Variants in BCAT1 observed in about 807,000 individuals in gnomAD.
BCAT1 encodes the protein branched-chain-amino-acid aminotransferase, cytosolic.
BCAT1 carries 48 observed loss-of-function variants against 52.4 expected under a neutral mutation model. The ratio of observed to expected loss-of-function variants is 0.92; its 90% confidence interval spans 0.73 to 1.16. BCAT1 has a LOEUF of 1.16. Among genes scored for constraint, BCAT1 ranks in the 50% most tolerant of loss-of-function variants. BCAT1 has a pLI of 0.00. For missense variants in BCAT1, 451 were observed against 457.1 expected, an observed-to-expected ratio of 0.99 and a Z score of 0.12; for synonymous variants, 167 against 161.3, an observed-to-expected ratio of 1.04 and a Z score of -0.27.
intron 8 of BCAT1, chr12:24,834,263 C>G: frequency 1.0e-6 from 1 of 984,950 alleles, no homozygotes; most frequent in Non-Finnish European, 1.2e-6. Context: ...ATATGACTAA[C>G]AGTTGACTTT....
chr12:24,890,826 T>C (rs2139640446), intron 3 of BCAT1, among the ~76,000 whole-genome samples: 1 of 152,334 alleles, frequency 6.6e-6, no homozygotes, highest in South Asian at 2.1e-4. Context: ...CTTTACTTTC[T>C]TAATAAATTT....
intron 3 of BCAT1, among the ~76,000 whole-genome samples, chr12:24,887,061 T>TAAAAATAAAA (rs1207898454): frequency 0.049 from 372 of 7,564 alleles, 44 homozygotes; most frequent in South Asian, 0.11. Context: ...AGATGCTAGC[T>TAAAAATAAAA]AAAAAAAAAA....
chr12:24,898,192 C>T (rs1397787679), intron 2 of BCAT1, among the ~76,000 whole-genome samples: 3 of 152,022 alleles, frequency 2.0e-5, no homozygotes, highest in African/African-American at 7.2e-5. Context: ...TCTAGATTTC[C>T]TTTCCAAAGA....
rs1267142221 is a variant in BCAT1 at position 24,814,924 on chromosome 12, C to A, written c.*3084G>T. ...AACAAGACTTCTCAGTCACTTGTTT[C>A]TCTTTCCCTTTCACTTTTCCTTTGT... On this transcript the variant is annotated 3_prime_UTR_variant, in exon 11 of 11. Transcript: ENST00000261192. 1 of 149,234 alleles carries A rather than the reference C, an allele frequency of 6.7e-6. No homozygotes were observed. The highest frequency in any genetic ancestry group is 6.9e-5 in the Admixed American group (1 of 14,588). The allele number at this position is 149,234 out of a possible 1,614,324, so 9.2% of individuals were successfully genotyped here. A position where few individuals can be genotyped will look rare whatever the true frequency, so the allele number is the denominator to read the frequency against.
At chr12:24,854,398 T>C (rs199921343) in intron 5 of BCAT1, among the ~76,000 whole-genome samples, 2 of 147,106 alleles carry the variant, frequency 1.4e-5, no homozygotes, top group Non-Finnish European at 3.0e-5. Flanking sequence ...ATTTTTTTTT[T>C]AATTTGAAGA....
At chr12:24,828,734 G>A (rs1326666665) in intron 10 of BCAT1, among the ~76,000 whole-genome samples, 1 of 152,216 alleles carries the variant, frequency 6.6e-6, no homozygotes, top group African/African-American at 2.4e-5. Context: ...GGCTGGGCAT[G>A]GTGGCTCACG....
In BCAT1 at chr12:24,832,907, G is replaced by A. The variant is rs201559468; in HGVS notation, c.904-44C>T. ...ATAACAAGTATATTTTAAAGGAAAA[G>A]GCATGCAAAACAATTGCAATACTTA... On this transcript the variant is annotated intron_variant, in intron 8 of 10. Transcript: ENST00000261192. 6.1e-5 allele frequency: 94 copies of A among 1,545,720 alleles called. No individual in the cohort carries two copies. In the African/African-American group the frequency reaches 1.2e-3, roughly 19 times the overall value.
chr12:24,947,217 T>A (rs1309263015), intron 1 of BCAT1, among the ~76,000 whole-genome samples: 1 of 143,444 alleles, frequency 7.0e-6, no homozygotes, highest in Non-Finnish European at 1.5e-5. Context: ...ACACACGGAC[T>A]TCCCTTGCCT....
rs138877844 is a variant in BCAT1, at chr12:24,917,620, GA to G, written c.7-15736del. Reference sequence around the variant, plus strand: ...CTTCAGGATTTGCAAAAGGCTTTTAGAAAAAAAAATCAGAATAAAGCAATTT... The same window carrying G: ...CTTCAGGATTTGCAAAAGGCTTTTAGAAAAAAAATCAGAATAAAGCAATTT... On this transcript the variant is annotated intron_variant, in intron 1 of 10. Coordinates refer to ENST00000261192, the MANE Select transcript of BCAT1 (RefSeq NM_005504.7). Among the ~76,000 whole-genome samples, 7 of 151,218 alleles carry G rather than the reference GA, an allele frequency of 4.6e-5. No homozygotes were observed. In the South Asian group the frequency reaches 1.0e-3, roughly 23 times the overall value.
intron 1 of BCAT1, among the ~76,000 whole-genome samples, chr12:24,913,125 A>T (rs1319638140): frequency 6.6e-6 from 1 of 152,182 alleles, no homozygotes; most frequent in Non-Finnish European, 1.5e-5. Context: ...GTGCCACAGA[A>T]CCTAAAACAG....
intron 5 of BCAT1, among the ~76,000 whole-genome samples, chr12:24,850,425 G>A (rs1299241183): frequency 6.6e-6 from 1 of 152,182 alleles, no homozygotes; most frequent in Non-Finnish European, 1.5e-5. Context: ...GGTGGTAGGT[G>A]CAGGCGAATG....
chr12:24,935,766 C>T (rs1016713135), intron 1 of BCAT1, among the ~76,000 whole-genome samples: 1 of 152,190 alleles, frequency 6.6e-6, no homozygotes, highest in Admixed American at 6.5e-5. Flanking sequence ...CAAGTTCAAA[C>T]AAATTCTGCT....
intron 5 of BCAT1, among the ~76,000 whole-genome samples, chr12:24,859,406 G>C (rs1402962683): frequency 6.6e-6 from 1 of 152,056 alleles, no homozygotes. Context: ...GGATCACGAG[G>C]TCAGAAGATG....
chr12:24,943,866 C>T (rs549107383), intron 1 of BCAT1, among the ~76,000 whole-genome samples: 25 of 152,176 alleles, frequency 1.6e-4, no homozygotes, highest in African/African-American at 5.8e-4. Context: ...CGCCTGTAGT[C>T]CCAGCTACTC....
intron 7 of BCAT1, among the ~76,000 whole-genome samples, 187 bp downstream of exon 7, chr12:24,841,895 C>A (rs1291432197): frequency 6.6e-6 from 1 of 152,034 alleles, no homozygotes; most frequent in Non-Finnish European, 1.5e-5. Context: ...TGAGACTCCA[C>A]CTCTTTAAAA....
intron 1 of BCAT1, among the ~76,000 whole-genome samples, chr12:24,941,407 T>C (rs943468709): frequency 6.6e-6 from 1 of 152,264 alleles, no homozygotes; most frequent in African/African-American, 2.4e-5. Context: ...CTCTGTGTTT[T>C]TATAATCCTC....
At chr12:24,829,927 G>C in intron 9 of BCAT1, 30 bp from the exon 10 acceptor site, 1 of 1,534,030 alleles carries the variant, frequency 6.5e-7, no homozygotes, top group Non-Finnish European at 8.9e-7. Flanking sequence ...GAGATAATTT[G>C]AGGGTACTCA....
intron 5 of BCAT1, among the ~76,000 whole-genome samples, chr12:24,852,585 G>C (rs1846953208): frequency 6.6e-6 from 1 of 151,982 alleles, no homozygotes; most frequent in South Asian, 2.1e-4. Flanking sequence ...GATTTTGACA[G>C]GTAAATTTGC....
intron 6 of BCAT1, among the ~76,000 whole-genome samples, chr12:24,843,935 C>T (rs565847879): frequency 1.3e-5 from 2 of 152,124 alleles, no homozygotes; most frequent in African/African-American, 2.4e-5. Flanking sequence ...AAACTGGGGT[C>T]GGCTGTGTCC....
Sources: gnomAD v4.1 joint callset for allele counts (sites outside exome capture counted in the v4.1 genomes callset) on GRCh38, gnomAD v4.1.1 for gene constraint, MANE v1.5 for transcripts, NCBI Gene and HGNC (gene_info 2026-07-23, HGNC 2026-07-21) for gene names.